The following ZRANB1 variants were observed in gnomAD, a reference collection of about 807,000 sequenced individuals.
The protein encoded by ZRANB1 is zinc finger RANBP2-type containing 1.
In ZRANB1, 16 loss-of-function variants were observed where a neutral mutation model predicts 80.5. The observed-to-expected ratio is 0.20, with a 90% CI of 0.13 to 0.30. The LOEUF is 0.30. Ranked by LOEUF, ZRANB1 falls within the 10% of genes least tolerant of loss-of-function variation. The pLI is 1.00. For synonymous variants in ZRANB1, 291 were observed against 293.1 expected (o/e 0.99, Z 0.07); for missense variants, 576 against 862.6 (o/e 0.67, Z 4.16).
chr10:124,949,522 C>CTTT (rs1564957326), intron 1 of ZRANB1, among the ~76,000 whole-genome samples: 3 of 33,934 alleles, frequency 8.8e-5, no homozygotes, highest in Non-Finnish European at 2.4e-4. Context: ...CACACACACA[C>CTTT]ATTTTTTTTT....
the ZRANB1 span, among the ~76,000 whole-genome samples, chr10:124,934,061 G>GT: frequency 0.081 from 12,370 of 152,236 alleles, 690 homozygotes; most frequent in Admixed American, 0.16. Flanking sequence ...TTTTATTACA[G>GT]TTTTTTCTAA....
chr10:124,979,698 T>C (rs1398869764), intron 5 of ZRANB1, among the ~76,000 whole-genome samples: 1 of 152,238 alleles, frequency 6.6e-6, no homozygotes, highest in East Asian at 1.9e-4. Flanking sequence ...GTCATTTTTG[T>C]TTAAAGTGTG....
intron 3 of ZRANB1, among the ~76,000 whole-genome samples, chr10:124,973,252 C>G (rs565344907): frequency 6.6e-6 from 1 of 152,136 alleles, no homozygotes; most frequent in Non-Finnish European, 1.5e-5. Flanking sequence ...TCCCCAGGCT[C>G]AAACAGTTCT....
intron 1 of ZRANB1, among the ~76,000 whole-genome samples, chr10:124,956,156 T>C (rs1230205205): frequency 6.6e-6 from 1 of 152,178 alleles, no homozygotes; most frequent in Non-Finnish European, 1.5e-5. Context: ...GACATTTGAA[T>C]ATGCAGCATT....
intron 1 of ZRANB1, among the ~76,000 whole-genome samples, chr10:124,948,340 C>T (rs1589841362): frequency 1.3e-5 from 2 of 152,058 alleles, no homozygotes; most frequent in South Asian, 2.1e-4. Context: ...GTAAGGCTTC[C>T]GGTCAACAGT....
intron 6 of ZRANB1, 119 bp downstream of exon 6, chr10:124,981,948 G>T: frequency 1.6e-6 from 2 of 1,256,752 alleles, no homozygotes; most frequent in South Asian, 2.7e-5. Flanking sequence ...GCTTGACGTG[G>T]TATCATCAGT....
At chr10:124,954,482 C>G (rs554520365) in intron 1 of ZRANB1, among the ~76,000 whole-genome samples, 13 of 137,564 alleles carry the variant, frequency 9.5e-5, no homozygotes, top group African/African-American at 3.5e-4. Flanking sequence ...GGGTCTTGCT[C>G]TGTTGTCCAG....
chr10:124,971,659 C>T (rs909844696), intron 2 of ZRANB1, among the ~76,000 whole-genome samples: 1 of 152,158 alleles, frequency 6.6e-6, no homozygotes, highest in Non-Finnish European at 1.5e-5. Flanking sequence ...GTCCTCTCTC[C>T]TCTTCCTGTG....
intron 5 of ZRANB1, among the ~76,000 whole-genome samples, chr10:124,980,584 A>G (rs1951922820): frequency 6.6e-6 from 1 of 152,252 alleles, no homozygotes; most frequent in African/African-American, 2.4e-5. Flanking sequence ...AAAAGAATAT[A>G]CATATTTTAA....
At chr10:124,925,011 G>A in the ZRANB1 span, among the ~76,000 whole-genome samples, 1 of 151,790 alleles carries the variant, frequency 6.6e-6, no homozygotes, top group African/African-American at 2.4e-5. Flanking sequence ...GGGTTCAGGC[G>A]ATTCTCATGT....
chr10:124,963,676 T>G (rs1260930160), intron 1 of ZRANB1, among the ~76,000 whole-genome samples: 1 of 151,088 alleles, frequency 6.6e-6, no homozygotes, highest in Non-Finnish European at 1.5e-5. Flanking sequence ...CAAATCCTGT[T>G]GAACCAACCA....
the ZRANB1 span, among the ~76,000 whole-genome samples, chr10:124,936,985 C>T: frequency 6.6e-6 from 1 of 151,936 alleles, no homozygotes; most frequent in Non-Finnish European, 1.5e-5. Flanking sequence ...GACAGAGTCT[C>T]GCCGGGCCGC....
chr10:124,953,647 A>C (rs959515362), intron 1 of ZRANB1, among the ~76,000 whole-genome samples: 1 of 152,142 alleles, frequency 6.6e-6, no homozygotes. Context: ...TGCTCTGCTC[A>C]TGTTGGCCTG....
intron 1 of ZRANB1, among the ~76,000 whole-genome samples, chr10:124,954,667 C>G (rs201081482): frequency 6.7e-6 from 1 of 149,260 alleles, no homozygotes; most frequent in Non-Finnish European, 1.5e-5. Context: ...AGGCTGGTCT[C>G]GAACTCCTGA....
At chr10:124,973,209 G>A (rs1015925701) in intron 3 of ZRANB1, among the ~76,000 whole-genome samples, 1 of 152,114 alleles carries the variant, frequency 6.6e-6, no homozygotes, top group Non-Finnish European at 1.5e-5. Context: ...CTGGAGTGCG[G>A]TGGCAGGATC....
chr10:124,931,137 G>C, the ZRANB1 span, among the ~76,000 whole-genome samples: 1 of 152,102 alleles, frequency 6.6e-6, no homozygotes, highest in South Asian at 2.1e-4. Context: ...GTGCAGTGGT[G>C]TGATCATAGC....
At chr10:124,967,442 G>C (rs567027515) in intron 2 of ZRANB1, among the ~76,000 whole-genome samples, 97 of 152,300 alleles carry the variant, frequency 6.4e-4, no homozygotes, top group African/African-American at 2.1e-3. Context: ...GGAATGGAGA[G>C]AAGGGAAGTC....
chr10:124,965,210 G>T (rs1951767000), intron 1 of ZRANB1, among the ~76,000 whole-genome samples: 1 of 152,204 alleles, frequency 6.6e-6, no homozygotes, highest in African/African-American at 2.4e-5. Context: ...AGCTGAACTT[G>T]TATATGCATG....
the ZRANB1 span, among the ~76,000 whole-genome samples, chr10:124,921,327 G>A: frequency 6.6e-6 from 1 of 152,156 alleles, no homozygotes; most frequent in Non-Finnish European, 1.5e-5. Context: ...CTGATGATAA[G>A]GCAGATGAGA....
Sources: allele counts gnomAD v4.1 joint callset (sites outside exome capture counted in the v4.1 genomes callset), GRCh38; gene constraint gnomAD v4.1.1; transcripts MANE v1.5; gene names NCBI Gene and HGNC (gene_info 2026-07-23, HGNC 2026-07-21).